Variants in NKD1 observed in about 807,000 individuals in gnomAD.
NKD1 encodes the protein protein naked cuticle homolog 1.
In NKD1, 21 loss-of-function variants were observed where a neutral mutation model predicts 56.0. The observed-to-expected ratio is 0.38, with a 90% CI of 0.27 to 0.54. The LOEUF (loss-of-function observed/expected upper bound fraction) is 0.54, where lower values mean the gene tolerates loss of function less well. NKD1 is among the 20% of genes least tolerant of loss of function. The pLI is 0.82. For missense variants in NKD1, 578 were observed against 642.7 expected, an observed-to-expected ratio of 0.90 and a Z score of 1.09; for synonymous variants, 263 against 265.7, an observed-to-expected ratio of 0.99 and a Z score of 0.10.
chr16:50,628,474 T>C (rs951370135), intron 6 of NKD1, among the ~76,000 whole-genome samples: 3 of 152,194 alleles, frequency 2.0e-5, no homozygotes, highest in Non-Finnish European at 4.4e-5. Flanking sequence ...TGGGGTTGCT[T>C]CATAGAGAAA....
At chr16:50,592,032 T>G (rs932588582) in intron 3 of NKD1, among the ~76,000 whole-genome samples, 2 of 152,148 alleles carry the variant, frequency 1.3e-5, no homozygotes, top group Admixed American at 6.6e-5. Flanking sequence ...GAGAAGCCCA[T>G]TGCACCTGCC....
intron 3 of NKD1, among the ~76,000 whole-genome samples, chr16:50,550,371 T>A (rs1017867199): frequency 4.0e-5 from 6 of 151,666 alleles, no homozygotes; most frequent in Non-Finnish European, 7.4e-5. Flanking sequence ...TTTTTTTTTT[T>A]AACTTAGAGG....
At chr16:50,571,110 G>T (rs1596712461) in intron 3 of NKD1, 1 of 537,382 alleles carries the variant, frequency 1.9e-6, no homozygotes, top group Non-Finnish European at 2.4e-6. Context: ...GGAAGGAGGG[G>T]CTGCCCATGG....
At position 50,640,851 on chromosome 16, in the gene NKD1, A is replaced by C. The variant is rs1303517649; in HGVS notation, c.*7070A>C. 1 of 151,082 alleles carries C rather than the reference A, an allele frequency of 6.6e-6. No homozygotes were observed. Among genetic ancestry groups the C allele is most frequent in the African/African-American group, 2.4e-5 (1 of 41,156 alleles). The allele number at this position is 151,082 out of a possible 1,614,324, so 9.4% of individuals were successfully genotyped here. ...CCAAAAGAAGTTAAAAAGAAAAAAA[A>C]AACAACCTCATTATGTTGTCTTTGT... On this transcript the variant is annotated 3_prime_UTR_variant, in exon 10 of 10. Coordinates refer to ENST00000268459, the MANE Select transcript of NKD1 (RefSeq NM_033119.5).
At chr16:50,630,450 G>A (rs1219552783) in intron 7 of NKD1, 117 bp downstream of exon 7, 4 of 1,137,638 alleles carry the variant, frequency 3.5e-6, no homozygotes, top group Admixed American at 2.2e-5. Flanking sequence ...CTGCTTTGTG[G>A]ACAGGTGGGG....
At chr16:50,550,960 TC>T (rs1960371149) in intron 3 of NKD1, among the ~76,000 whole-genome samples, 1 of 151,936 alleles carries the variant, frequency 6.6e-6, no homozygotes, top group Admixed American at 6.5e-5. Context: ...TTTTTCTTTT[TC>T]TTTTCTTTTT....
chr16:50,594,812 C>T (rs1961440074), intron 3 of NKD1, among the ~76,000 whole-genome samples: 1 of 151,462 alleles, frequency 6.6e-6, no homozygotes, highest in Non-Finnish European at 1.5e-5. Context: ...GGGGGGCACA[C>T]AGACCCGGGG....
At position 50,633,894 on chromosome 16, in the gene NKD1, A is replaced by AT; in HGVS notation, c.*115dup. ...ATGATGATTATTGTTATTAATAATTATTGTTACTCCACTAATATTTAGCTA... is the reference window on the plus strand; with the variant it reads ...ATGATGATTATTGTTATTAATAATTATTTGTTACTCCACTAATATTTAGCTA... On this transcript the variant is annotated 3_prime_UTR_variant, in exon 10 of 10. Coordinates refer to ENST00000268459, the MANE Select transcript of NKD1 (RefSeq NM_033119.5). The surrounding 1 kb of genome is among the most constrained non-coding windows in gnomAD (Gnocchi z 4.9). 3.5e-6 allele frequency: 2 copies of AT among 571,708 alleles called. No homozygotes were observed. The highest frequency in any genetic ancestry group is 6.0e-6 in the Non-Finnish European group (2 of 331,872). The allele number at this position is 571,708 out of a possible 1,614,324, so 35.4% of individuals were successfully genotyped here. A position where few individuals can be genotyped will look rare whatever the true frequency, so the allele number is the denominator to read the frequency against.
Position 50,634,023 on chromosome 16 carries a change from T to C in NKD1, c.*242T>C. 2.6e-6 allele frequency: 1 copy of C among 390,584 alleles called. No individual in the cohort carries two copies. The allele number at this position is 390,584 out of a possible 1,614,324, so 24.2% of individuals were successfully genotyped here. On this transcript the variant is annotated 3_prime_UTR_variant, in exon 10 of 10. Coordinates refer to ENST00000268459, the MANE Select transcript of NKD1 (RefSeq NM_033119.5). ...GAAATGACTCTGGTTTTGAGTGGCC[T>C]GTAATGGGCAGAGGCTCCCTCGGGG...
intron 3 of NKD1, chr16:50,574,723 G>A (rs1051698163): frequency 1.5e-5 from 15 of 985,402 alleles, no homozygotes; most frequent in Middle Eastern, 1.0e-3. Context: ...GAGGCGCTTG[G>A]GTTTTCTTTG....
Position 50,591,597 on chromosome 16 carries a change from T to C in NKD1, c.193-16697T>C, listed in dbSNP as rs60485230. Among the ~76,000 whole-genome samples, 978 of 152,286 alleles carry C rather than the reference T, an allele frequency of 6.4e-3. 6 individuals are homozygous for C. The highest frequency in any genetic ancestry group is 0.022 in the African/African-American group (924 of 41,556). The stretch of plus-strand genomic sequence containing the variant: ...TACCCTCTTGCCATGCTTCCTCTTT[T>C]TGTACAGATGAGGAAACTGAGGCAG... On this transcript the variant is annotated intron_variant, in intron 3 of 9. Coordinates refer to ENST00000268459, the MANE Select transcript of NKD1 (RefSeq NM_033119.5).
intron 3 of NKD1, chr16:50,572,823 A>T: frequency 1.1e-6 from 1 of 942,556 alleles, no homozygotes. Context: ...CAAGCCCAGG[A>T]GATGTGGAGG....
intron 5 of NKD1, among the ~76,000 whole-genome samples, chr16:50,622,696 C>G (rs938513605): frequency 6.6e-6 from 1 of 152,186 alleles, no homozygotes; most frequent in Non-Finnish European, 1.5e-5. Flanking sequence ...AGCATGAGTT[C>G]GTGCGCCTAA....
chr16:50,609,452 C>G (rs1050429986), intron 4 of NKD1, among the ~76,000 whole-genome samples: 2 of 152,194 alleles, frequency 1.3e-5, no homozygotes, highest in Non-Finnish European at 2.9e-5. Context: ...CCAGGGCAGA[C>G]AGCTGGCTGG....
At chr16:50,569,925 T>C (rs904540454) in intron 3 of NKD1, among the ~76,000 whole-genome samples, 2 of 152,190 alleles carry the variant, frequency 1.3e-5, no homozygotes, top group Non-Finnish European at 2.9e-5. Flanking sequence ...AACATTGCTT[T>C]AGCAGAGTGG....
At chr16:50,622,078 G>A (rs1962104510) in intron 5 of NKD1, among the ~76,000 whole-genome samples, 1 of 152,192 alleles carries the variant, frequency 6.6e-6, no homozygotes, top group Admixed American at 6.5e-5. Flanking sequence ...GCTGTTCTGG[G>A]GGTGCCTGTG....
At chr16:50,584,807 C>T (rs1189534893) in intron 3 of NKD1, among the ~76,000 whole-genome samples, 1 of 152,188 alleles carries the variant, frequency 6.6e-6, no homozygotes, top group Non-Finnish European at 1.5e-5. Flanking sequence ...TAGGATGTCA[C>T]CTGCTGAGCC....
At chr16:50,587,082 A>G (rs1961247023) in intron 3 of NKD1, among the ~76,000 whole-genome samples, 2 of 152,216 alleles carry the variant, frequency 1.3e-5, no homozygotes, top group South Asian at 4.1e-4. Context: ...AAGTACTCAC[A>G]TGTATTAAAA....
chr16:50,548,987 C>T, intron 2 of NKD1: 1 of 912,018 alleles, frequency 1.1e-6, no homozygotes, highest in Non-Finnish European at 1.3e-6. Context: ...CCTCCCGCGT[C>T]CCTGCCCTCG....
Sources: gnomAD v4.1 joint callset for allele counts (sites outside exome capture counted in the v4.1 genomes callset) on GRCh38, gnomAD v4.1.1 for gene constraint, Gnocchi (gnomAD v3.1) non-coding constraint, MANE v1.5 for transcripts, NCBI Gene and HGNC (gene_info 2026-07-23, HGNC 2026-07-21) for gene names.